Variants in CDIN1 observed in about 807,000 individuals in gnomAD.
The protein encoded by CDIN1 is CDAN1-interacting nuclease 1.
Under a neutral mutation model 45.3 loss-of-function variants are expected in CDIN1, and 33 were observed. That is an observed-to-expected ratio of 0.73 (90% CI 0.55 to 0.97). The LOEUF (loss-of-function observed/expected upper bound fraction) is 0.97, where lower values mean the gene tolerates loss of function less well. Among genes scored for constraint, CDIN1 ranks in the 50% least tolerant of loss-of-function variants. The probability of loss-of-function intolerance (pLI) is 0.00; values close to 1 mark genes in which losing one functional copy is unlikely to be tolerated. For missense variants in CDIN1, 303 were observed against 339.4 expected (o/e 0.89, Z 0.84); for synonymous variants, 118 against 124.4 (o/e 0.95, Z 0.34).
chr15:36,736,596 G>C (rs900545141), intron 10 of CDIN1, among the ~76,000 whole-genome samples: 9 of 152,262 alleles, frequency 5.9e-5, no homozygotes, highest in African/African-American at 2.2e-4. Context: ...CTACTCACTT[G>C]GACCTGCTGT....
chr15:36,709,368 T>C (rs2042976950), intron 9 of CDIN1, 80 bp downstream of exon 9: 2 of 1,001,142 alleles, frequency 2.0e-6, no homozygotes, highest in Non-Finnish European at 2.9e-6. Flanking sequence ...TAATATTAGC[T>C]TTATAATATT....
Position 36,645,203 on chromosome 15 carries a change from TGTTG to T in CDIN1, c.148-19_148-16del, listed in dbSNP as rs1430884920. 6.5e-7 allele frequency: 1 copy of T among 1,542,066 alleles called. No individual in the cohort carries two copies. The highest frequency in any genetic ancestry group is 8.8e-7 in the Non-Finnish European group (1 of 1,139,660). On this transcript the variant is annotated splice_polypyrimidine_tract_variant and intron_variant, in intron 2 of 10. Coordinates refer to ENST00000566621, the MANE Select transcript of CDIN1 (RefSeq NM_001321759.2). ...TGACATATCAAAGATTTTTTTGTGT[TGTTG>T]TTTTTTTTCTTTCAGAAACACATTA...
Position 36,619,926 on chromosome 15 carries a change from A to G in CDIN1, c.102-24352A>G, listed in dbSNP as rs1387058545. 5.3e-5 allele frequency among the ~76,000 whole-genome samples: 8 copies of G among 150,406 alleles called. No homozygotes were observed. In the South Asian group the frequency reaches 1.5e-3, roughly 28 times the overall value. On this transcript the variant is annotated intron_variant, in intron 1 of 10. Coordinates refer to ENST00000566621, the MANE Select transcript of CDIN1 (RefSeq NM_001321759.2). Reference sequence around the variant, plus strand: ...AAACTTGAGTAGATTTTTTTTTTTTAGTTTGAAATTGAGTCTGTCTTTTTG... The same window carrying G: ...AAACTTGAGTAGATTTTTTTTTTTTGGTTTGAAATTGAGTCTGTCTTTTTG...
At chr15:36,768,194 C>T (rs1027364965) in intron 10 of CDIN1, among the ~76,000 whole-genome samples, 1 of 152,194 alleles carries the variant, frequency 6.6e-6, no homozygotes, top group African/African-American at 2.4e-5. Context: ...TCTTTAAACC[C>T]TGTGACTCCA....
chr15:36,792,172 A>T (rs1362511438), intron 10 of CDIN1, among the ~76,000 whole-genome samples: 1 of 152,068 alleles, frequency 6.6e-6, no homozygotes, highest in Admixed American at 6.6e-5. Context: ...ATTGCTTTCA[A>T]CTCAGTGAAA....
chr15:36,743,564 A>G (rs747309222), intron 10 of CDIN1, among the ~76,000 whole-genome samples: 2 of 152,076 alleles, frequency 1.3e-5, no homozygotes, highest in Non-Finnish European at 2.9e-5. Flanking sequence ...AGTGAGTATT[A>G]TATATACCCT....
At chr15:36,652,341 C>G (rs1315782305) in intron 3 of CDIN1, among the ~76,000 whole-genome samples, 1 of 152,102 alleles carries the variant, frequency 6.6e-6, no homozygotes, top group Admixed American at 6.5e-5. Context: ...GTAACTGAAA[C>G]TGAAGTAGAA....
intron 10 of CDIN1, among the ~76,000 whole-genome samples, chr15:36,722,303 A>ATCTCTCTCTCTC (rs5811928): frequency 0.037 from 5,160 of 140,600 alleles, 181 homozygotes; most frequent in African/African-American, 0.067. Context: ...TTCTTTTGAG[A>ATCTCTCTCTCTC]TCTCTCTCTC....
At chr15:36,644,626 A>G (rs1738221825) in intron 2 of CDIN1, among the ~76,000 whole-genome samples, 1 of 152,084 alleles carries the variant, frequency 6.6e-6, no homozygotes, top group Admixed American at 6.5e-5. Flanking sequence ...GCTGACTTGC[A>G]CTGTCAGTGC....
At chr15:36,663,864 ATGTGTTGT>A (rs1404948074) in intron 5 of CDIN1, among the ~76,000 whole-genome samples, 1 of 152,228 alleles carries the variant, frequency 6.6e-6, no homozygotes, top group Non-Finnish European at 1.5e-5. Context: ...ACACAGAACT[ATGTGTTGT>A]TGACCGCAGT....
intron 10 of CDIN1, among the ~76,000 whole-genome samples, chr15:36,763,542 A>G (rs1251558114): frequency 6.6e-6 from 1 of 152,168 alleles, no homozygotes; most frequent in African/African-American, 2.4e-5. Context: ...TGTCAAAACA[A>G]TAAATCCCCA....
chr15:36,640,687 A>G (rs2040070420), intron 1 of CDIN1: 1 of 976,628 alleles, frequency 1.0e-6, no homozygotes, highest in Non-Finnish European at 1.2e-6. Flanking sequence ...TGTCCATCTG[A>G]AAACATAAGG....
At chr15:36,645,437 T>A in intron 3 of CDIN1, 150 bp downstream of exon 3, 1 of 742,436 alleles carries the variant, frequency 1.3e-6, no homozygotes, top group Non-Finnish European at 2.1e-6. Context: ...TGTTTTTGAA[T>A]GAGTTTTCAA....
chr15:36,712,471 G>A (rs1355197977), intron 10 of CDIN1, among the ~76,000 whole-genome samples: 1 of 151,602 alleles, frequency 6.6e-6, no homozygotes, highest in Admixed American at 6.6e-5. Flanking sequence ...TTACCATGTT[G>A]GTCAGTCTGG....
chr15:36,617,703 A>G, intron 1 of CDIN1: 1 of 776,758 alleles, frequency 1.3e-6, no homozygotes, highest in South Asian at 1.3e-5. Context: ...TCTTAGAGAG[A>G]TTCCTGAAAC....
At chr15:36,692,484 C>A (rs1332250432) in intron 7 of CDIN1, among the ~76,000 whole-genome samples, 1 of 152,170 alleles carries the variant, frequency 6.6e-6, no homozygotes, top group Non-Finnish European at 1.5e-5. Flanking sequence ...TGGAATGTAT[C>A]TACCCATCCC....
chr15:36,709,833 A>G (rs1326832567), intron 9 of CDIN1, 23 bp from the exon 10 acceptor site: 6 of 1,584,760 alleles, frequency 3.8e-6, no homozygotes, highest in East Asian at 4.5e-5. Flanking sequence ...TTCTCCGTAT[A>G]TTAGTAATGC....
At chr15:36,709,192 T>C in intron 8 of CDIN1, 31 bp from the exon 9 acceptor site, 1 of 1,566,236 alleles carries the variant, frequency 6.4e-7, no homozygotes. Context: ...TGAATAGTGT[T>C]TTAAGTAAAT....
intron 1 of CDIN1, chr15:36,594,837 TCAAGAAGCTTATTTATAG>T: frequency 1.0e-6 from 1 of 971,838 alleles, no homozygotes; most frequent in Non-Finnish European, 1.2e-6. Flanking sequence ...TTTTAGCATT[TCAAGAAGCTTATTTATAG>T]CAAGTTGTTT....
Sources: gnomAD v4.1 joint callset for allele counts (sites outside exome capture counted in the v4.1 genomes callset) on GRCh38, gnomAD v4.1.1 for gene constraint, MANE v1.5 for transcripts, NCBI Gene and HGNC (gene_info 2026-07-23, HGNC 2026-07-21) for gene names.